MED22: variants seen among roughly 807,000 people sequenced by gnomAD.
The protein encoded by MED22 is mediator of RNA polymerase II transcription subunit 22.
A neutral mutation model predicts 22.7 loss-of-function variants in MED22; 22 were observed. That is an observed-to-expected ratio of 0.97 (90% CI 0.69 to 1.38). MED22 has a LOEUF of 1.38. Among genes scored for constraint, MED22 ranks in the 40% most tolerant of loss-of-function variants. The pLI is 0.00. For synonymous variants in MED22, 134 were observed against 119.4 expected, an observed-to-expected ratio of 1.12 and a Z score of -0.80; for missense variants, 247 against 263.0, an observed-to-expected ratio of 0.94 and a Z score of 0.42.
At chr9:133,347,086 T>C in intron 1 of MED22, 1 of 197,366 alleles carries the variant, frequency 5.1e-6, no homozygotes, top group South Asian at 7.5e-5. Flanking sequence ...GAAGAGTCCT[T>C]CCAATTCGAC....
At chr9:133,343,705 T>A in intron 4 of MED22, 1 of 1,289,964 alleles carries the variant, frequency 7.8e-7, no homozygotes, top group South Asian at 3.1e-5. Flanking sequence ...GACATAGGTG[T>A]GGACCTGACT....
rs2129969091 is a variant in MED22 at position 133,346,613 on chromosome 9, G to A, written c.50C>T (p.Ser17Phe). Residue 17 changes from serine (S) to phenylalanine (F), a missense_variant, in exon 2 of 5, where the codon TCC (serine) becomes TTC (phenylalanine). Physicochemically the swap from Ser to Phe is radical, Grantham distance 155. Coordinates refer to ENST00000343730, the MANE Select transcript of MED22 (RefSeq NM_133640.5). ...LPQSKETLLQ[S>F]YNKRLKDDIK... is the part of the protein sequence containing the mutation. ...GTCGTCCTTCAGCCGCTTGTTGTAG[G>A]ACTGCAGCAGCGTCTCCTTGCTCTG... The A allele has an allele frequency of 1.9e-6, 3 of 1,612,856 alleles. No homozygotes were observed. Among genetic ancestry groups the A allele is most frequent in the Admixed American group, 1.7e-5 (1 of 60,022 alleles).
chr9:133,347,940 A>C lies in MED22; in HGVS notation c.-57T>G, dbSNP rs1399605727. The C allele has an allele frequency of 4.3e-6, 1 of 233,282 alleles. No homozygotes were observed. Among genetic ancestry groups the C allele is most frequent in the East Asian group, 1.5e-4 (1 of 6,678 alleles). The allele number at this position is 233,282 out of a possible 1,614,324, so 14.5% of individuals were successfully genotyped here. ...CTCATACCCGCCCCAGCGCCCGCAC[A>C]CCAGACGCCGCGTCCGCCGGGTCGG... On this transcript the variant is annotated 5_prime_UTR_variant, in exon 1 of 5. Coordinates refer to ENST00000343730, the MANE Select transcript of MED22 (RefSeq NM_133640.5).
At chr9:133,346,057 C>T (rs1334895373) in intron 2 of MED22, among the ~76,000 whole-genome samples, 2 of 152,234 alleles carry the variant, frequency 1.3e-5, no homozygotes, top group Non-Finnish European at 2.9e-5. Context: ...TACATGCTAG[C>T]TTCCATCCTC....
chr9:133,339,429 G>A lies in MED22; in HGVS notation c.*2076C>T, dbSNP rs1003047544. On this transcript the variant is annotated 3_prime_UTR_variant, in exon 5 of 5. Transcript: ENST00000343730. ...TGAGAACCAATGGGAAGGAGCCTGAGCTGCTGGAACCTCTTCCCTATGAAT... is the reference window on the plus strand; with the variant it reads ...TGAGAACCAATGGGAAGGAGCCTGAACTGCTGGAACCTCTTCCCTATGAAT... 1.3e-6 allele frequency: 1 copy of A among 786,860 alleles called. No homozygotes were observed. The highest frequency in any genetic ancestry group is 2.3e-6 in the Non-Finnish European group (1 of 436,626). 48.7% of individuals were successfully genotyped at this position (786,860 alleles called of 1,614,324 possible). A position where few individuals can be genotyped will look rare whatever the true frequency, so the allele number is the denominator to read the frequency against.
At chr9:133,345,131 C>A (rs2129963747) in intron 3 of MED22, 41 bp downstream of exon 3, 1 of 1,600,950 alleles carries the variant, frequency 6.2e-7, no homozygotes, top group South Asian at 1.1e-5. Flanking sequence ...GGGACTGATG[C>A]TCTTGGAGCC....
intron 4 of MED22, chr9:133,342,050 G>C: frequency 1.8e-6 from 2 of 1,103,024 alleles, no homozygotes; most frequent in Non-Finnish European, 2.2e-6. Flanking sequence ...TGTCAGCCTG[G>C]CCACCCTCCC....
intron 3 of MED22, 81 bp downstream of exon 3, chr9:133,345,091 G>GC: frequency 1.4e-6 from 2 of 1,391,018 alleles, no homozygotes; most frequent in Non-Finnish European, 2.0e-6. Flanking sequence ...CAGCCCCAGA[G>GC]CCCCCTCCAC....
chr9:133,344,829 G>A (rs1836135383), intron 3 of MED22, among the ~76,000 whole-genome samples: 1 of 152,134 alleles, frequency 6.6e-6, no homozygotes, highest in African/African-American at 2.4e-5. Context: ...TCGGCTGTTT[G>A]TCTTTTCACT....
chr9:133,339,516 C>A lies in MED22; in HGVS notation c.*1989G>T. 3.4e-6 allele frequency: 2 copies of A among 585,728 alleles called. No homozygotes were observed. Among genetic ancestry groups the A allele is most frequent in the South Asian group, 3.4e-5 (2 of 59,310 alleles). The allele number at this position is 585,728 out of a possible 1,614,324, so 36.3% of individuals were successfully genotyped here. The stretch of plus-strand genomic sequence containing the variant: ...CTGGACTAGAAAGAAAAAAAATAGG[C>A]ATTAAAAAAACTATTTGGGGAACAA... On this transcript the variant is annotated 3_prime_UTR_variant, in exon 5 of 5. Transcript: ENST00000343730.
chr9:133,343,953 T>G lies in MED22; in HGVS notation c.413+172A>C, dbSNP rs2129958643. Reference sequence around the variant, plus strand: ...GGCCCAGGGCCCTGGCATATGGATGTGAATTGTCTGTCGGTCAAACGCTCT... The same window carrying G: ...GGCCCAGGGCCCTGGCATATGGATGGGAATTGTCTGTCGGTCAAACGCTCT... On this transcript the variant is annotated intron_variant, in intron 4 of 4. Transcript: ENST00000343730. 158 of 1,451,640 alleles carry G rather than the reference T, an allele frequency of 1.1e-4. 2 individuals carry two copies. In the South Asian group the frequency reaches 1.4e-3, roughly 12 times the overall value. The allele number at this position is 1,451,640 out of a possible 1,614,324, so 89.9% of individuals were successfully genotyped here. A position where few individuals can be genotyped will look rare whatever the true frequency, so the allele number is the denominator to read the frequency against.
At position 133,341,648 on chromosome 9, in the gene MED22, C is replaced by T. The variant is rs201441941; in HGVS notation, c.460G>A (p.Gly154Arg). The change falls in exon 5 of 5, where the codon GGG (glycine) becomes AGG (arginine). Residue 154 changes from glycine (G) to arginine (R), a missense_variant. Physicochemically the swap from Gly to Arg is moderately radical, Grantham distance 125. Transcript: ENST00000343730. The part of the protein sequence containing the change: ...ANDLPLCEAY[G>R]RLDLDTDSAD... Reference sequence around the variant, plus strand: ...GAGTCTGTGTCGAGGTCCAGCCTCCCGTAAGCTTCGCACAGAGGCAGGTCA... The same window carrying T: ...GAGTCTGTGTCGAGGTCCAGCCTCCTGTAAGCTTCGCACAGAGGCAGGTCA... 129 of 1,607,040 alleles carry T rather than the reference C, an allele frequency of 8.0e-5. 2 individuals carry two copies. Among genetic ancestry groups the T allele is most frequent in the South Asian group, 6.7e-4 (60 of 89,942 alleles).
rs2129948462 is a variant in MED22, at chr9:133,341,489, G to A, written c.*16C>T. 2 of 1,478,116 alleles carry A rather than the reference G, an allele frequency of 1.4e-6. No homozygotes were observed. Among genetic ancestry groups the A allele is most frequent in the Non-Finnish European group, 1.8e-6 (2 of 1,122,524 alleles). 91.6% of individuals were successfully genotyped at this position (1,478,116 alleles called of 1,614,324 possible). On this transcript the variant is annotated 3_prime_UTR_variant, in exon 5 of 5. Transcript: ENST00000343730. ...CTCAGGTTTTGTTCCTGAGAACGAA[G>A]CGTGGCCCCGGAGGCTCAGGCGTGC... is the stretch of plus-strand genomic sequence containing the variant.
chr9:133,347,290 G>A (rs1388696128), intron 1 of MED22: 2 of 152,868 alleles, frequency 1.3e-5, no homozygotes, highest in Non-Finnish European at 2.9e-5. Context: ...GGCCGAGGCA[G>A]GGATCACCTG....
intron 2 of MED22, chr9:133,346,308 C>T (rs1284127513): frequency 1.8e-6 from 1 of 547,598 alleles, no homozygotes; most frequent in Non-Finnish European, 3.3e-6. Context: ...CACAAGGACC[C>T]CACCATGCAG....
intron 2 of MED22, among the ~76,000 whole-genome samples, chr9:133,345,684 G>A (rs2129966022): frequency 6.6e-6 from 1 of 152,254 alleles, no homozygotes; most frequent in South Asian, 2.1e-4. Context: ...CAGGTGCCAG[G>A]CTGTGTCATG....
At position 133,343,477 on chromosome 9, in the gene MED22, G is replaced by A. The variant is rs998236189; in HGVS notation, c.413+648C>T. On this transcript the variant is annotated intron_variant, in intron 4 of 4. Transcript: ENST00000343730. ...GAGCCCCACAAGGGTCAGGATGATG[G>A]GTTTTGACCCTTCTGCATCCCTGGG... The A allele has an allele frequency of 4.1e-6, 5 of 1,231,426 alleles. No individual in the cohort carries two copies. The South Asian group carries it at 1.2e-4, about 30-fold the overall frequency. 76.3% of individuals were successfully genotyped at this position (1,231,426 alleles called of 1,614,324 possible).
chr9:133,346,472 C>T, intron 2 of MED22, 68 bp downstream of exon 2: 2 of 1,594,414 alleles, frequency 1.3e-6, no homozygotes, highest in Admixed American at 1.7e-5. Context: ...CGCTGCTCAG[C>T]CCCTGGCCTC....
Position 133,344,160 on chromosome 9 carries a change from G to T in MED22, c.378C>A (p.Asp126Glu). 1.2e-6 allele frequency: 2 copies of T among 1,614,188 alleles called. No homozygotes were observed. The highest frequency in any genetic ancestry group is 1.7e-6 in the Non-Finnish European group (2 of 1,180,028). ...LITLRDEISI[D>E]LYELEEEYYS... ...AATACTCCTCCTCCAGCTCGTAGAG[G>T]TCAATGGAGATCTCGTCTCGCAGCG... The change falls in exon 4 of 5, where the codon GAC (aspartate) becomes GAA (glutamate). Residue 126 changes from aspartate (D) to glutamate (E), a missense_variant. Coordinates refer to ENST00000343730, the MANE Select transcript of MED22 (RefSeq NM_133640.5).
Sources: allele counts gnomAD v4.1 joint callset (sites outside exome capture counted in the v4.1 genomes callset), GRCh38; gene constraint gnomAD v4.1.1; transcripts MANE v1.5; gene names NCBI Gene and HGNC (gene_info 2026-07-23, HGNC 2026-07-21).